The following MCC variants were observed in gnomAD, a reference collection of about 807,000 sequenced individuals.
MCC encodes MCC regulator of Wnt signaling pathway.
Under a neutral mutation model 116.2 loss-of-function variants are expected in MCC, and 90 were observed. That is an observed-to-expected ratio of 0.77 (90% CI 0.65 to 0.92). The LOEUF is 0.92. Ranked by LOEUF, MCC falls within the 40% of genes least tolerant of loss-of-function variation. The pLI is 0.00. For missense variants in MCC, 1,516 were observed against 1,312.2 expected, an observed-to-expected ratio of 1.16 and a Z score of -2.40; for synonymous variants, 578 against 510.5, an observed-to-expected ratio of 1.13 and a Z score of -1.78.
intron 8 of MCC, among the ~76,000 whole-genome samples, chr5:113,101,013 T>G (rs1010205068): frequency 6.6e-6 from 1 of 152,182 alleles, no homozygotes; most frequent in Non-Finnish European, 1.5e-5. Flanking sequence ...GATTAAAAAC[T>G]TCACCTTGGA....
chr5:113,416,132 T>A (rs1005458480), intron 1 of MCC, among the ~76,000 whole-genome samples: 12 of 152,216 alleles, frequency 7.9e-5, no homozygotes, highest in African/African-American at 2.9e-4. Context: ...TCACCCGTCT[T>A]CTGCATTGAT....
At chr5:113,414,356 T>C (rs1313676930) in intron 1 of MCC, among the ~76,000 whole-genome samples, 1 of 152,190 alleles carries the variant, frequency 6.6e-6, no homozygotes, top group Non-Finnish European at 1.5e-5. Flanking sequence ...CTGTCTAACA[T>C]TGACAGTGGG....
intron 1 of MCC, among the ~76,000 whole-genome samples, chr5:113,429,221 C>T (rs1770560993): frequency 6.6e-6 from 1 of 151,760 alleles, no homozygotes; most frequent in African/African-American, 2.4e-5. Flanking sequence ...AAATGTGGGT[C>T]GTAAAGGTGG....
intron 6 of MCC, among the ~76,000 whole-genome samples, chr5:113,121,144 C>T (rs1342727796): frequency 6.6e-6 from 1 of 152,182 alleles, no homozygotes; most frequent in Non-Finnish European, 1.5e-5. Flanking sequence ...TCTCAGCTGC[C>T]ACCACCCTAA....
Position 113,028,947 on chromosome 5 carries a change from T to G in MCC, c.2866A>C (p.Lys956Gln), listed in dbSNP as rs932868616. 4 of 1,613,752 alleles carry G rather than the reference T, an allele frequency of 2.5e-6. No individual in the cohort carries two copies. In the African/African-American group the frequency reaches 5.3e-5, roughly 22 times the overall value. ...GGAGATTTTTACCTGTTGGCCCGCTTTAGATCATTCACGAACTCTGCAGAT... is the reference window on the plus strand; with the variant it reads ...GGAGATTTTTACCTGTTGGCCCGCTGTAGATCATTCACGAACTCTGCAGAT... The part of the protein sequence containing the change: ...QQSAEFVNDL[K>Q]RANSNLVAAY... Residue 956 changes from lysine (K) to glutamine (Q), a missense_variant, in exon 18 of 19, where the codon AAG becomes CAG. Coordinates refer to ENST00000408903, the MANE Select transcript of MCC (RefSeq NM_001085377.2).
At chr5:113,402,480 C>T (rs977564415) in intron 1 of MCC, among the ~76,000 whole-genome samples, 1 of 152,028 alleles carries the variant, frequency 6.6e-6, no homozygotes, top group African/African-American at 2.4e-5. Context: ...AAACACTCAG[C>T]ACATGGAGGA....
intron 3 of MCC, among the ~76,000 whole-genome samples, chr5:113,198,583 G>A (rs1023871475): frequency 1.3e-5 from 2 of 151,204 alleles, no homozygotes; most frequent in Non-Finnish European, 2.9e-5. Flanking sequence ...CTGCACCTGT[G>A]GTCCCAGCTA....
chr5:113,469,810 G>T (rs1772028894), intron 1 of MCC, among the ~76,000 whole-genome samples: 1 of 152,074 alleles, frequency 6.6e-6, no homozygotes, highest in African/African-American at 2.4e-5. Flanking sequence ...TTATTGTGTG[G>T]GAGTCTAAGC....
chr5:113,251,672 C>A (rs567960360), intron 3 of MCC, among the ~76,000 whole-genome samples: 1 of 152,190 alleles, frequency 6.6e-6, no homozygotes, highest in African/African-American at 2.4e-5. Context: ...TCAAAAAAGG[C>A]GATAAATTCA....
intron 1 of MCC, among the ~76,000 whole-genome samples, chr5:113,476,944 T>A (rs565610456): frequency 6.6e-6 from 1 of 152,208 alleles, no homozygotes; most frequent in Non-Finnish European, 1.5e-5. Context: ...TAAAGAAATG[T>A]ATGTGAAAAG....
At chr5:113,061,920 A>T (rs1284818530) in intron 14 of MCC, among the ~76,000 whole-genome samples, 1 of 152,258 alleles carries the variant, frequency 6.6e-6, no homozygotes, top group Non-Finnish European at 1.5e-5. Context: ...AAACAAAATT[A>T]CTATAATTAT....
chr5:113,434,953 T>G lies in MCC; in HGVS notation c.171-49741A>C. 3 of 1,313,150 alleles carry G rather than the reference T, an allele frequency of 2.3e-6. No homozygotes were observed. The highest frequency in any genetic ancestry group is 2.1e-6 in the Non-Finnish European group (2 of 963,326). The allele number at this position is 1,313,150 out of a possible 1,614,324, so 81.3% of individuals were successfully genotyped here. ...GAGAGTCCTTTGGGCTGGCCAGGCCTGCTGTTCCTGCCTCCTAGAGGCCAA... is the reference window on the plus strand; with the variant it reads ...GAGAGTCCTTTGGGCTGGCCAGGCCGGCTGTTCCTGCCTCCTAGAGGCCAA... On this transcript the variant is annotated intron_variant, in intron 1 of 18. Transcript: ENST00000408903. The surrounding 1 kb of genome is among the most constrained non-coding windows in gnomAD (Gnocchi z 4.2).
intron 2 of MCC, among the ~76,000 whole-genome samples, chr5:113,352,770 G>T (rs1175818768): frequency 6.6e-6 from 1 of 151,982 alleles, no homozygotes; most frequent in East Asian, 1.9e-4. Flanking sequence ...CTCAACATTT[G>T]AATCGGTATT....
intron 3 of MCC, among the ~76,000 whole-genome samples, chr5:113,200,037 G>A (rs1009196128): frequency 2.0e-5 from 3 of 152,162 alleles, no homozygotes; most frequent in Non-Finnish European, 4.4e-5. Flanking sequence ...GGGGAGAAAG[G>A]GCATTTCATG....
chr5:113,031,110 A>C (rs907499851), intron 17 of MCC, among the ~76,000 whole-genome samples: 1 of 152,178 alleles, frequency 6.6e-6, no homozygotes, highest in African/African-American at 2.4e-5. Flanking sequence ...CAAGCTCTCC[A>C]AACTGATCAA....
chr5:113,103,798 A>T (rs1233455971), intron 7 of MCC, among the ~76,000 whole-genome samples: 2 of 152,230 alleles, frequency 1.3e-5, no homozygotes, highest in African/African-American at 4.8e-5. Context: ...AGCAAGAGGA[A>T]TTGATGAATG....
At chr5:113,352,875 T>C (rs10078931) in intron 2 of MCC, among the ~76,000 whole-genome samples, 3,838 of 152,272 alleles carry the variant, frequency 0.025, 165 homozygotes, top group African/African-American at 0.087. Context: ...CCTCAACTCC[T>C]GCTTAATATT....
intron 1 of MCC, among the ~76,000 whole-genome samples, chr5:113,426,931 C>T (rs570552743): frequency 1.2e-4 from 19 of 152,276 alleles, no homozygotes; most frequent in African/African-American, 4.6e-4. Context: ...AACTACCTCT[C>T]CACAAACAAA....
chr5:113,136,154 T>G (rs955662052), intron 5 of MCC, among the ~76,000 whole-genome samples: 1 of 152,208 alleles, frequency 6.6e-6, no homozygotes, highest in Non-Finnish European at 1.5e-5. Flanking sequence ...TTGCTTCTGA[T>G]TACAGGCTAT....
Sources: gnomAD v4.1 joint callset for allele counts (sites outside exome capture counted in the v4.1 genomes callset) on GRCh38, gnomAD v4.1.1 for gene constraint, Gnocchi (gnomAD v3.1) non-coding constraint, MANE v1.5 for transcripts, NCBI Gene and HGNC (gene_info 2026-07-23, HGNC 2026-07-21) for gene names.